Variants in PLCH1 observed in about 807,000 individuals in gnomAD.
The protein encoded by PLCH1 is 1-phosphatidylinositol 4,5-bisphosphate phosphodiesterase eta-1.
PLCH1 carries 60 observed loss-of-function variants against 126.7 expected under a neutral mutation model. That is an observed-to-expected ratio of 0.47 (90% CI 0.38 to 0.59). PLCH1 has a LOEUF of 0.59. PLCH1 is among the 20% of genes least tolerant of loss of function. The pLI is 0.00. For synonymous variants in PLCH1, 719 were observed against 734.9 expected (o/e 0.98, Z 0.35); for missense variants, 1,723 against 2,040.0 (o/e 0.84, Z 2.99).
intron 2 of PLCH1, chr3:155,676,164 C>T (rs1245293869): frequency 5.2e-6 from 7 of 1,344,038 alleles, no homozygotes; most frequent in Non-Finnish European, 1.9e-6. Flanking sequence ...TCCTTAGCAG[C>T]CCCCAGAACT....
At chr3:155,662,295 C>CA (rs898134306) in intron 2 of PLCH1, among the ~76,000 whole-genome samples, 8 of 151,732 alleles carry the variant, frequency 5.3e-5, no homozygotes, top group East Asian at 3.8e-4. Flanking sequence ...TGCACACACA[C>CA]AAAAAAAATA....
intron 10 of PLCH1, among the ~76,000 whole-genome samples, chr3:155,528,596 C>T (rs901936536): frequency 6.6e-6 from 1 of 152,122 alleles, no homozygotes; most frequent in Non-Finnish European, 1.5e-5. Context: ...TTTGAAACAG[C>T]ATAAAATAGA....
chr3:155,623,716 G>A (rs1184651131), intron 2 of PLCH1, among the ~76,000 whole-genome samples: 6 of 152,122 alleles, frequency 3.9e-5, no homozygotes, highest in Non-Finnish European at 8.8e-5. Context: ...GGAAGAAGGC[G>A]ATTCCCTGAA....
At chr3:155,597,830 T>C (rs1733176034) in intron 2 of PLCH1, among the ~76,000 whole-genome samples, 1 of 152,154 alleles carries the variant, frequency 6.6e-6, no homozygotes, top group African/African-American at 2.4e-5. Context: ...ACAAAGAAGA[T>C]GAAGTATAGG....
intron 6 of PLCH1, among the ~76,000 whole-genome samples, chr3:155,580,157 G>A (rs486714): frequency 0.49 from 74,967 of 151,948 alleles, 21,524 homozygotes; most frequent in Non-Finnish European, 0.65. Flanking sequence ...CTAATCATTT[G>A]TTCACTGTTT....
chr3:155,564,801 T>C, intron 8 of PLCH1, 114 bp downstream of exon 8: 2 of 654,444 alleles, frequency 3.1e-6, no homozygotes, highest in South Asian at 1.9e-5. Flanking sequence ...AGAAAAGTAG[T>C]ACTAATTAGT....
downstream of PLCH1, among the ~76,000 whole-genome samples, chr3:155,478,522 C>T (rs548145360): frequency 6.6e-6 from 1 of 152,150 alleles, no homozygotes; most frequent in Non-Finnish European, 1.5e-5. Flanking sequence ...GTACTCCATA[C>T]ATATATGCAC....
At chr3:155,648,472 TC>T (rs1740310433) in intron 2 of PLCH1, among the ~76,000 whole-genome samples, 1 of 152,148 alleles carries the variant, frequency 6.6e-6, no homozygotes, top group African/African-American at 2.4e-5. Context: ...AAAGGCCTAC[TC>T]CCCTGGTGAA....
chr3:155,530,799 C>T (rs899301816), intron 10 of PLCH1, among the ~76,000 whole-genome samples: 2 of 152,164 alleles, frequency 1.3e-5, no homozygotes, highest in African/African-American at 2.4e-5. Context: ...TTTACCCAGA[C>T]TTATCAAAGG....
At chr3:155,538,407 C>A (rs1427945111) in intron 10 of PLCH1, among the ~76,000 whole-genome samples, 1 of 151,826 alleles carries the variant, frequency 6.6e-6, no homozygotes, top group Admixed American at 6.6e-5. Flanking sequence ...CAGAGCAGAA[C>A]TAAATGAAAT....
At chr3:155,628,578 G>A (rs1025936024) in intron 2 of PLCH1, among the ~76,000 whole-genome samples, 6 of 150,466 alleles carry the variant, frequency 4.0e-5, no homozygotes, top group African/African-American at 1.5e-4. Flanking sequence ...AGTTGGGGGA[G>A]GGGCTTCTTC....
chr3:155,453,504 A>G (rs1283313468), intron 21 of PLCH1, among the ~76,000 whole-genome samples: 2 of 152,180 alleles, frequency 1.3e-5, no homozygotes, highest in African/African-American at 2.4e-5. Flanking sequence ...AAGTTCAAAA[A>G]TGAAAAAATA....
chr3:155,465,624 T>C (rs1395781287), intron 21 of PLCH1, among the ~76,000 whole-genome samples: 1 of 151,886 alleles, frequency 6.6e-6, no homozygotes, highest in East Asian at 2.0e-4. Flanking sequence ...GGACTCTCTC[T>C]TGCATCTTAT....
intron 21 of PLCH1, chr3:155,456,844 A>G (rs1712455087): frequency 1.3e-5 from 2 of 152,960 alleles, no homozygotes; most frequent in Non-Finnish European, 2.9e-5. Context: ...ATCCTTCACA[A>G]ATCAATTTGA....
Position 155,497,214 on chromosome 3 carries a change from C to G in PLCH1, c.1894+106G>C, listed in dbSNP as rs145523014. On this transcript the variant is annotated intron_variant, in intron 15 of 22. Coordinates refer to ENST00000460012, the MANE Select transcript of PLCH1 (RefSeq NM_014996.4). ...ACTCAAATTGGTTTCTACATAGTCC[C>G]AAAAATGTGTGTTGATAATGGGATT... The G allele has an allele frequency of 1.9e-3, 1,471 of 790,794 alleles. 16 individuals are homozygous for G. The African/African-American group carries it at 0.021, about 11-fold the overall frequency. The allele number at this position is 790,794 out of a possible 1,614,324, so 49.0% of individuals were successfully genotyped here.
chr3:155,474,371 A>T lies in PLCH1; in HGVS notation c.2938+10985T>A, dbSNP rs201523184. On this transcript the variant is annotated intron_variant, in intron 21 of 21. Transcript: ENST00000494598. ...TCAGAGAAATGCAAATCAAAACCAC[A>T]ATGAGATACTATCTCACACCAGTTA... Among the ~76,000 whole-genome samples the T allele has an allele frequency of 1.1e-4, 16 of 150,240 alleles. No homozygotes were observed. In the East Asian group the frequency reaches 1.3e-3, roughly 12 times the overall value.
At position 155,482,432 on chromosome 3, in the gene PLCH1, G is replaced by T. The variant is rs1714271480; in HGVS notation, c.3594C>A (p.Thr1198=). ...AAACAACTGTGAGAGCCTGATTGTTGGTCTCATCAAACTGGCCAATCAGGG... is the reference window on the plus strand; with the variant it reads ...AAACAACTGTGAGAGCCTGATTGTTTGTCTCATCAAACTGGCCAATCAGGG... ...ISALIGQFDE[T]NNQALTVVSH... Residue 1198 remains threonine, a synonymous_variant, in exon 23 of 23, where the codon ACC becomes ACA. Transcript: ENST00000460012. The T allele has an allele frequency of 4.3e-6, 7 of 1,614,092 alleles. No homozygotes were observed. In the African/African-American group the frequency reaches 9.3e-5, roughly 22 times the overall value.
chr3:155,515,967 C>T (rs2108248812), intron 11 of PLCH1, among the ~76,000 whole-genome samples: 1 of 152,274 alleles, frequency 6.6e-6, no homozygotes, highest in Admixed American at 6.5e-5. Flanking sequence ...TTCACAAAAT[C>T]CTGTAAGAGC....
At chr3:155,636,517 G>C (rs1372764442) in intron 2 of PLCH1, among the ~76,000 whole-genome samples, 1 of 152,090 alleles carries the variant, frequency 6.6e-6, no homozygotes, top group Non-Finnish European at 1.5e-5. Context: ...GGAGGCTGAG[G>C]CGGGTGGATT....
Sources: allele counts gnomAD v4.1 joint callset (sites outside exome capture counted in the v4.1 genomes callset), GRCh38; gene constraint gnomAD v4.1.1; transcripts MANE v1.5; gene names NCBI Gene and HGNC (gene_info 2026-07-23, HGNC 2026-07-21).